EXOC3: variants seen among roughly 807,000 people sequenced by gnomAD.
EXOC3 encodes SEC6-like 1.
EXOC3 carries 21 observed loss-of-function variants against 73.7 expected under a neutral mutation model. That is an observed-to-expected ratio of 0.29 (90% CI 0.20 to 0.41). The LOEUF is 0.41. Ranked by LOEUF, EXOC3 falls within the 10% of genes least tolerant of loss-of-function variation. The pLI is 1.00. For missense variants in EXOC3, 842 were observed against 985.1 expected, an observed-to-expected ratio of 0.85 and a Z score of 1.95; for synonymous variants, 410 against 389.1, an observed-to-expected ratio of 1.05 and a Z score of -0.63.
chr5:462,694 A>T (rs1473076831), intron 9 of EXOC3, among the ~76,000 whole-genome samples: 1 of 152,224 alleles, frequency 6.6e-6, no homozygotes, highest in Admixed American at 6.5e-5. Flanking sequence ...TAATAAAATG[A>T]ATTTAATATT....
At chr5:464,581 G>C in intron 10 of EXOC3, 169 bp downstream of exon 10, 2 of 650,682 alleles carry the variant, frequency 3.1e-6, no homozygotes, top group Non-Finnish European at 2.6e-6. Flanking sequence ...CTGGGACGGG[G>C]CTCTGGTGAG....
chr5:461,249 A>AT (rs1296739023), intron 7 of EXOC3, among the ~76,000 whole-genome samples: 3 of 151,966 alleles, frequency 2.0e-5, no homozygotes, highest in South Asian at 4.2e-4. Context: ...GCTGAACCAT[A>AT]TTTTTTTTCC....
rs1738175463 is a variant in EXOC3 at position 467,105 on chromosome 5, TG to T, written c.*210del. On this transcript the variant is annotated 3_prime_UTR_variant, in exon 13 of 13. Transcript: ENST00000512944. ...CCCTCACTGTGCTGTCAAAGGCCTG[TG>T]GGTGCAGGGCTCTGCCGCACAGCCT... 3.4e-6 allele frequency: 2 copies of T among 590,382 alleles called. No individual in the cohort carries two copies. The allele number at this position is 590,382 out of a possible 1,614,324, so 36.6% of individuals were successfully genotyped here.
chr5:456,578 G>C (rs1035168465), intron 4 of EXOC3, among the ~76,000 whole-genome samples: 2 of 152,240 alleles, frequency 1.3e-5, no homozygotes, highest in Non-Finnish European at 2.9e-5. Context: ...TGAAGCTGGG[G>C]TTGGAGGGAC....
intron 7 of EXOC3, 141 bp from the exon 8 acceptor site, chr5:461,819 A>G (rs570660549): frequency 8.5e-5 from 54 of 632,658 alleles, no homozygotes; most frequent in African/African-American, 7.9e-4. Context: ...TGGATCGTCT[A>G]AAGATTGTTT....
intron 5 of EXOC3, 35 bp from the exon 6 acceptor site, chr5:457,865 C>T: frequency 1.9e-6 from 3 of 1,584,784 alleles, no homozygotes; most frequent in Non-Finnish European, 2.6e-6. Context: ...CTGCTCTTCT[C>T]TCTTCTCTTC....
intron 10 of EXOC3, chr5:464,872 C>G: frequency 1.8e-6 from 1 of 565,962 alleles, no homozygotes; most frequent in Non-Finnish European, 3.1e-6. Context: ...CTGCCTCGCC[C>G]GCGTCTGTCC....
chr5:444,387 T>C (rs72717430), intron 1 of EXOC3, among the ~76,000 whole-genome samples: 40,495 of 152,208 alleles, frequency 0.27, 7,036 homozygotes, highest in Non-Finnish European at 0.39. Context: ...CCACTCACAT[T>C]GCCTTGGCTT....
In EXOC3 at chr5:453,827, G is replaced by C. The variant is rs1434474159; in HGVS notation, c.822G>C (p.Trp274Cys). Reference protein sequence around the residue: ...QADTRESDKMWLVRHLEIIRK... With the variant: ...QADTRESDKMCLVRHLEIIRK... ...ATACCAGAGAGTCTGACAAGATGTG[G>C]CTTGTCCGCCACCTGGAAATTATAA... is the stretch of plus-strand genomic sequence containing the variant. The change falls in exon 4 of 13, where the codon TGG becomes TGC. Residue 274 changes from tryptophan to cysteine, a missense_variant. Transcript: ENST00000512944. The C allele has an allele frequency of 6.2e-7, 1 of 1,613,800 alleles. No individual in the cohort carries two copies. Among genetic ancestry groups the C allele is most frequent in the Non-Finnish European group, 8.5e-7 (1 of 1,179,886 alleles).
At chr5:465,033 C>T in intron 10 of EXOC3, 78 bp from the exon 11 acceptor site, 1 of 1,432,392 alleles carries the variant, frequency 7.0e-7, no homozygotes, top group Non-Finnish European at 9.2e-7. Context: ...CACCGGGAGC[C>T]CCAGCCTGGG....
At chr5:458,122 C>A in intron 6 of EXOC3, 97 bp downstream of exon 6, 2 of 1,295,914 alleles carry the variant, frequency 1.5e-6, no homozygotes, top group Non-Finnish European at 2.1e-6. Flanking sequence ...GATCTTCATC[C>A]ACAGAGTGTA....
At position 446,862 on chromosome 5, in the gene EXOC3, G is replaced by GAA. The variant is rs539873791; in HGVS notation, c.144+522_144+523dup. 4.4e-3 allele frequency among the ~76,000 whole-genome samples: 652 copies of GAA among 146,530 alleles called. 2 individuals are homozygous for GAA. Among genetic ancestry groups the GAA allele is most frequent in the African/African-American group, 0.016 (621 of 39,750 alleles). ...ACAGAGTGAGACTCTGTCTCAAAAAGAAAAAAAAAACACAGAAACAAAAAC... is the reference window on the plus strand; with the variant it reads ...ACAGAGTGAGACTCTGTCTCAAAAAGAAAAAAAAAAAACACAGAAACAAAAAC... On this transcript the variant is annotated intron_variant, in intron 2 of 12. Transcript: ENST00000512944.
intron 3 of EXOC3, among the ~76,000 whole-genome samples, chr5:450,081 AC>A (rs1737612067): frequency 6.6e-6 from 1 of 152,204 alleles, no homozygotes; most frequent in Admixed American, 6.5e-5. Flanking sequence ...CCCCGTCTCT[AC>A]TAAAAATATA....
intron 4 of EXOC3, among the ~76,000 whole-genome samples, chr5:455,024 G>GGTGGCTCTGTGCAACC (rs1553991838): frequency 5.4e-5 from 3 of 55,388 alleles, no homozygotes; most frequent in African/African-American, 3.4e-4. Context: ...TCTGTGCAAT[G>GGTGGCTCTGTGCAACC]GTGGCTCTCT....
rs748046476 is a variant in EXOC3 at position 466,872 on chromosome 5, C to G, written c.2212C>G (p.Leu738Val). The G allele has an allele frequency of 6.8e-6, 11 of 1,610,404 alleles. No homozygotes were observed. Among genetic ancestry groups the G allele is most frequent in the Middle Eastern group, 1.6e-4 (1 of 6,080 alleles). Residue 738 changes from leucine to valine, a missense_variant, in exon 13 of 13, where the codon CTG (leucine) becomes GTG (valine). Leu to Val is a conservative substitution (Grantham distance 32). Transcript: ENST00000512944. ...CTTCAAGGACATTGTGGTGCCCAGC[C>G]TGAACGTGGCCAAGCTGCTCAAGTA... ...PLFKDIVVPS[L>V]NVAKLLK is the part of the protein sequence containing the mutation.
intron 7 of EXOC3, among the ~76,000 whole-genome samples, chr5:460,996 C>G (rs983044154): frequency 3.3e-5 from 5 of 152,288 alleles, no homozygotes; most frequent in Middle Eastern, 3.4e-3. Context: ...AGCATCCCCA[C>G]AGTAAGTTTA....
chr5:454,868 A>ATG (rs374767772), intron 4 of EXOC3, among the ~76,000 whole-genome samples: 100 of 110,778 alleles, frequency 9.0e-4, no homozygotes, highest in Middle Eastern at 5.9e-3. Flanking sequence ...AATAAACCTC[A>ATG]TTTTTTTTTT....
rs115207857 is a variant in EXOC3, at chr5:446,331, C to T, written c.126C>T (p.Ser42=). The change falls in exon 2 of 13, where the codon TCC becomes TCT. Residue 42 remains serine (S), a synonymous_variant. Coordinates refer to ENST00000512944, the MANE Select transcript of EXOC3 (RefSeq NM_007277.5). ...YRRREARKKA[S]VEARLKAAIQ... ...GGAGAGAAGCGCGGAAGAAGGCCTC[C>T]GTGGAGGCCAGATTGAAGGTGAGGC... 7.9e-3 allele frequency: 12,737 copies of T among 1,608,386 alleles called. 128 individuals are homozygous for T. Among genetic ancestry groups the T allele is most frequent in the African/African-American group, 0.042 (3,157 of 74,804 alleles).
Position 451,131 on chromosome 5 carries a change from C to A in EXOC3, c.365-2239C>A, listed in dbSNP as rs535359735. Among the ~76,000 whole-genome samples, 14 of 148,066 alleles carry A rather than the reference C, an allele frequency of 9.5e-5. No individual in the cohort carries two copies. The South Asian group carries it at 3.0e-3, about 31-fold the overall frequency. ...GGTATAACATTTTTGTCTCTTATTT[C>A]TGCATTTTTTTTGTGCTTTTGATTA... On this transcript the variant is annotated intron_variant, in intron 3 of 12. Transcript: ENST00000512944.
Sources: gnomAD v4.1 joint callset for allele counts (sites outside exome capture counted in the v4.1 genomes callset) on GRCh38, gnomAD v4.1.1 for gene constraint, MANE v1.5 for transcripts, NCBI Gene and HGNC (gene_info 2026-07-23, HGNC 2026-07-21) for gene names.